The following NOD2 variants were observed in gnomAD, a reference collection of about 807,000 sequenced individuals.
The protein encoded by NOD2 is nucleotide binding oligomerization domain containing 2, also known as nucleotide-binding oligomerization domain-containing protein 2.
In NOD2, 86 loss-of-function variants were observed where a neutral mutation model predicts 90.9. The ratio of observed to expected loss-of-function variants is 0.95; its 90% CI spans 0.79 to 1.13. The LOEUF (loss-of-function observed/expected upper bound fraction) is 1.13, where lower values mean the gene tolerates loss of function less well. Ranked by LOEUF, NOD2 falls within the 50% of genes most tolerant of loss-of-function variation. The probability of loss-of-function intolerance (pLI) is 0.00; values close to 1 mark genes in which losing one functional copy is unlikely to be tolerated. For missense variants in NOD2, 1,238 were observed against 1,283.8 expected (o/e 0.96, Z 0.55); for synonymous variants, 581 against 554.6 (o/e 1.05, Z -0.67).
At chr16:50,705,466 G>A (rs777221964) in intron 2 of NOD2, among the ~76,000 whole-genome samples, 4 of 152,074 alleles carry the variant, frequency 2.6e-5, no homozygotes, top group Admixed American at 6.5e-5. Context: ...TTGAGCATGC[G>A]GGTGAAACTT....
chr16:50,708,201 A>G (rs893011473), intron 3 of NOD2, among the ~76,000 whole-genome samples: 8 of 152,238 alleles, frequency 5.3e-5, no homozygotes, highest in African/African-American at 1.9e-4. Context: ...TATACTGACA[A>G]TTGGGCTACC....
In NOD2 at chr16:50,695,161, G is replaced by T. The variant is rs75419932; in HGVS notation, c.-9+1499G>T. Among the ~76,000 whole-genome samples the T allele has an allele frequency of 1.3e-3, 197 of 152,026 alleles. 1 individual carries two copies. The highest frequency in any genetic ancestry group is 4.4e-3 in the African/African-American group (184 of 41,446). On this transcript the variant is annotated intron_variant, in intron 1 of 11. Transcript: ENST00000647318. ...CTGTGGGGTGGAGAATGGATCATGG[G>T]GGGGGTGGGGTAAGGGCAGAAGGAG...
chr16:50,731,941 A>G lies in NOD2; in HGVS notation c.*122A>G, dbSNP rs1002905152. The G allele has an allele frequency of 1.4e-5, 11 of 761,152 alleles. No individual in the cohort carries two copies. The highest frequency in any genetic ancestry group is 1.4e-4 in the African/African-American group (8 of 58,662). The allele number at this position is 761,152 out of a possible 1,614,324, so 47.1% of individuals were successfully genotyped here. ...TGAGCCCTGTCCTGCCTAAGGCTGA[A>G]CTTGTTTTCTGGGAACACCATAGGT... is the stretch of plus-strand genomic sequence containing the variant. On this transcript the variant is annotated 3_prime_UTR_variant, in exon 12 of 12. Transcript: ENST00000647318.
intron 6 of NOD2, chr16:50,719,634 T>C: frequency 3.7e-6 from 2 of 545,828 alleles, no homozygotes; most frequent in Non-Finnish European, 3.5e-6. Flanking sequence ...TCACCCTCGC[T>C]GTCCCGGGGA....
chr16:50,704,839 T>C (rs577275920), intron 2 of NOD2, among the ~76,000 whole-genome samples: 97 of 152,362 alleles, frequency 6.4e-4, no homozygotes, highest in African/African-American at 2.3e-3. Flanking sequence ...TTTAAAACTC[T>C]TTCTGGAAGC....
At chr16:50,725,431 T>A in intron 9 of NOD2, 58 bp from the exon 10 acceptor site, 1 of 1,350,824 alleles carries the variant, frequency 7.4e-7, no homozygotes, top group Non-Finnish European at 1.1e-6. Context: ...GCATGTGAGT[T>A]CATCATCTTC....
chr16:50,725,973 C>T (rs961885133), intron 10 of NOD2, among the ~76,000 whole-genome samples: 2 of 152,288 alleles, frequency 1.3e-5, no homozygotes, highest in African/African-American at 2.4e-5. Flanking sequence ...TGTTGATGTG[C>T]GCTCATGGGG....
chr16:50,730,925 G>A (rs2357791), intron 11 of NOD2, among the ~76,000 whole-genome samples: 49,912 of 152,112 alleles, frequency 0.33, 8,876 homozygotes, highest in Non-Finnish European at 0.39. Context: ...TTTGCTGGGC[G>A]TGGCAGCTCA....
intron 7 of NOD2, 27 bp from the exon 8 acceptor site, chr16:50,722,595 G>A: frequency 6.2e-7 from 1 of 1,606,566 alleles, no homozygotes; most frequent in Non-Finnish European, 8.5e-7. Context: ...CACTGACACT[G>A]TCTGTTGACT....
Position 50,716,676 on chromosome 16 carries a change from T to C in NOD2, c.2465+6T>C. The stretch of plus-strand genomic sequence containing the variant: ...GAGCAATTGCAGAAGTTAGCGTAAG[T>C]CAGCCTGGGCTGTGGACAATGGGCT... On this transcript the variant is annotated splice_donor_region_variant and intron_variant, in intron 5 of 11. Coordinates refer to ENST00000647318, the MANE Select transcript of NOD2 (RefSeq NM_001370466.1). 1 of 1,613,962 alleles carries C rather than the reference T, an allele frequency of 6.2e-7. No homozygotes were observed. Among genetic ancestry groups the C allele is most frequent in the South Asian group, 1.1e-5 (1 of 91,056 alleles).
chr16:50,710,719 C>A lies in NOD2; in HGVS notation c.727C>A (p.Gln243Lys), dbSNP rs1268158074. The A allele has an allele frequency of 1.2e-6, 2 of 1,613,824 alleles. No homozygotes were observed. Among genetic ancestry groups the A allele is most frequent in the South Asian group, 2.2e-5 (2 of 91,044 alleles). ...WADVGMAGPPQKSPATLGLEE... is the reference protein window; with the variant it reads ...WADVGMAGPPKKSPATLGLEE... ...AGATGTGGGCATGGCTGGACCCCCG[C>A]AGAAGAGCCCAGCCACCCTGGGCCT... Residue 243 changes from glutamine to lysine, a missense_variant, in exon 4 of 12, where the codon CAG becomes AAG. By Grantham distance (53) the Gln-to-Lys change is moderately conservative. Coordinates refer to ENST00000647318, the MANE Select transcript of NOD2 (RefSeq NM_001370466.1).
At chr16:50,731,649 CCATCCCAGGCATG>C in intron 11 of NOD2, 85 bp from the exon 12 acceptor site, 1 of 858,578 alleles carries the variant, frequency 1.2e-6, no homozygotes, top group Non-Finnish European at 2.0e-6. Flanking sequence ...GAGAGTCAGC[CCATCCCAGGCATG>C]GGTTTAAAAA....
At chr16:50,715,618 G>C (rs1172659219) in intron 4 of NOD2, 2 of 152,146 alleles carry the variant, frequency 1.3e-5, no homozygotes, top group African/African-American at 4.8e-5. Context: ...GGGTTTCACT[G>C]TGTTAACCAG....
At chr16:50,712,601 G>A (rs1964591301) in intron 4 of NOD2, 1 of 605,140 alleles carries the variant, frequency 1.7e-6, no homozygotes, top group Non-Finnish European at 2.9e-6. Flanking sequence ...ATGCTTTCCG[G>A]AATGACCTCA....
chr16:50,731,803 C>T lies in NOD2; in HGVS notation c.3026C>T (p.Thr1009Ile). 1 of 1,613,430 alleles carries T rather than the reference C, an allele frequency of 6.2e-7. No homozygotes were observed. Among genetic ancestry groups the T allele is most frequent in the East Asian group, 2.2e-5 (1 of 44,860 alleles). ...EEVDKLGCRD[T>I]RLLL ...GTTGACAAGCTCGGCTGCAGGGACA[C>T]CAGACTCTTGCTTTGAAGTCTCCGG... The change falls in exon 12 of 12, where the codon ACC becomes ATC. Residue 1009 changes from threonine (T) to isoleucine (I), a missense_variant. This residue lies in a region of NOD2 where 667 missense variants were observed against 688.7 expected (regional missense o/e 0.97). Transcript: ENST00000647318.
chr16:50,715,327 C>T (rs776949208), intron 4 of NOD2, among the ~76,000 whole-genome samples: 18 of 152,060 alleles, frequency 1.2e-4, no homozygotes, highest in East Asian at 3.9e-4. Context: ...TCAGTGCTAG[C>T]GATCATGATT....
At chr16:50,695,678 CAGAA>C (rs1187593739) in intron 1 of NOD2, among the ~76,000 whole-genome samples, 8 of 151,968 alleles carry the variant, frequency 5.3e-5, no homozygotes, top group Admixed American at 3.3e-4. Context: ...GCCAAGAAGA[CAGAA>C]AGAGTGAAAA....
rs1964464891 is a variant in NOD2 at position 50,711,135 on chromosome 16, C to T, written c.1143C>T (p.Phe381=). The change falls in exon 4 of 12, where the codon TTC becomes TTT. Residue 381 remains phenylalanine, a synonymous_variant. Transcript: ENST00000647318. ...TDPTSVQTLL[F]NLLQGNLLKN... is the part of the protein sequence containing the mutation. The stretch of plus-strand genomic sequence containing the variant: ...CCACCTCTGTCCAGACCCTGCTCTT[C>T]AACCTTCTGCAGGGCAACCTGCTGA... 4.3e-6 allele frequency: 7 copies of T among 1,614,054 alleles called. No homozygotes were observed. Among genetic ancestry groups the T allele is most frequent in the Non-Finnish European group, 5.9e-6 (7 of 1,180,036 alleles).
chr16:50,712,371 G>T lies in NOD2; in HGVS notation c.2379G>T (p.Leu793=), dbSNP rs1255412782. 1 of 1,613,682 alleles carries T rather than the reference G, an allele frequency of 6.2e-7. No homozygotes were observed. The highest frequency in any genetic ancestry group is 1.1e-5 in the South Asian group (1 of 91,074). The change falls in exon 4 of 12, where the codon CTG becomes CTT. Residue 793 remains leucine, a splice_region_variant and synonymous_variant. Coordinates refer to ENST00000647318, the MANE Select transcript of NOD2 (RefSeq NM_001370466.1). ...LLPCLGVCKA[L]YLRDNNISDR... is the part of the protein sequence containing the mutation. ...CTTGCCTTGGTGTCTGCAAGGCTCT[G>T]TAGTGAGTGTTACTGGGCATTGCTG...
Sources: allele counts gnomAD v4.1 joint callset (sites outside exome capture counted in the v4.1 genomes callset), GRCh38; gene constraint gnomAD v4.1.1; regional missense constraint gnomAD v4.1.1; transcripts MANE v1.5; gene names NCBI Gene and HGNC (gene_info 2026-07-23, HGNC 2026-07-21).